ECHDC3: variants seen among roughly 807,000 people sequenced by gnomAD.
The protein encoded by ECHDC3 is enoyl-CoA hydratase domain containing 3, also known as enoyl-CoA hydratase domain-containing protein 3, mitochondrial.
Under a neutral mutation model 17.9 loss-of-function variants are expected in ECHDC3, and 20 were observed. The observed-to-expected ratio is 1.12, with a 90% CI of 0.79 to 1.63. ECHDC3 has a LOEUF of 1.63. Ranked by LOEUF, ECHDC3 falls within the 40% of genes most tolerant of loss-of-function variation. The probability of loss-of-function intolerance (pLI) is 0.00; values close to 1 mark genes in which losing one functional copy is unlikely to be tolerated. For missense variants in ECHDC3, 407 were observed against 357.7 expected (o/e 1.14, Z -1.11); for synonymous variants, 177 against 149.7 (o/e 1.18, Z -1.33).
In ECHDC3 at chr10:11,749,454, A is replaced by C. The variant is rs756181405; in HGVS notation, c.293-41A>C. On this transcript the variant is annotated intron_variant, in intron 2 of 4. Coordinates refer to ENST00000379215, the MANE Select transcript of ECHDC3 (RefSeq NM_024693.5). ...ACTAACTGCCCAACTCTGGGTGTTT[A>C]CATCTTTTTGTTTTCTTTTCTCAAT... 2.5e-6 allele frequency: 4 copies of C among 1,605,650 alleles called. No homozygotes were observed. The Admixed American group carries it at 6.7e-5, about 27-fold the overall frequency.
chr10:11,743,502 T>C (rs952463726), intron 1 of ECHDC3, among the ~76,000 whole-genome samples: 1 of 152,222 alleles, frequency 6.6e-6, no homozygotes, highest in Non-Finnish European at 1.5e-5. Context: ...CTCACCCTCC[T>C]CTCATCCTTT....
intron 3 of ECHDC3, chr10:11,752,307 A>G (rs1832835222): frequency 9.1e-6 from 1 of 109,784 alleles, no homozygotes; most frequent in Admixed American, 9.1e-5. Flanking sequence ...TTTAGTAGAA[A>G]TGGGGTTGCA....
At position 11,755,613 on chromosome 10, in the gene ECHDC3, T is replaced by G; in HGVS notation, c.591+5T>G. ...GCAAGAGCAGTGCCTAGAAAGGTAA[T>G]TTAACTCCCCCCACCCACCTCTGCC... On this transcript the variant is annotated splice_donor_5th_base_variant and intron_variant, in intron 4 of 4. Transcript: ENST00000379215. 1.9e-6 allele frequency: 3 copies of G among 1,609,144 alleles called. No homozygotes were observed. Among genetic ancestry groups the G allele is most frequent in the Non-Finnish European group, 2.5e-6 (3 of 1,178,016 alleles).
chr10:11,745,728 G>C (rs1168056789), intron 1 of ECHDC3, among the ~76,000 whole-genome samples: 3 of 152,204 alleles, frequency 2.0e-5, no homozygotes, highest in Non-Finnish European at 4.4e-5. Flanking sequence ...GAAACCTGTA[G>C]GTGAAAACTG....
At chr10:11,761,909 C>T (rs957963784) in intron 4 of ECHDC3, among the ~76,000 whole-genome samples, 3 of 152,116 alleles carry the variant, frequency 2.0e-5, no homozygotes, top group Admixed American at 1.3e-4. Context: ...GACAGTCTTC[C>T]AGTGCTGGAG....
chr10:11,763,620 C>G lies in ECHDC3; in HGVS notation c.*76C>G. On this transcript the variant is annotated 3_prime_UTR_variant, in exon 5 of 5. Transcript: ENST00000379215. The surrounding 1 kb of genome is among the most constrained non-coding windows in gnomAD (Gnocchi z 4.9). ...CCCTCTGGCCCAGCCACCACTGCCT[C>G]TCAGCTTCAACAGGTGACAGGCTGC... 1 of 1,437,096 alleles carries G rather than the reference C, an allele frequency of 7.0e-7. No individual in the cohort carries two copies. Among genetic ancestry groups the G allele is most frequent in the African/African-American group, 1.4e-5 (1 of 69,996 alleles). 89.0% of individuals were successfully genotyped at this position (1,437,096 alleles called of 1,614,324 possible).
At chr10:11,752,311 G>A (rs1832835459) in intron 3 of ECHDC3, 1 of 115,182 alleles carries the variant, frequency 8.7e-6, no homozygotes, top group Non-Finnish European at 1.8e-5. Flanking sequence ...GTAGAAATGG[G>A]GTTGCACCAT....
rs1783410732 is a variant in ECHDC3, at chr10:11,764,038, A to C, written c.*494A>C. ...CATGCCTATGGCTTTGAATAATCTT[A>C]TGTGATTTAAATAAATTAAATCTTT... On this transcript the variant is annotated 3_prime_UTR_variant, in exon 5 of 5. Transcript: ENST00000379215. 1 of 807,548 alleles carries C rather than the reference A, an allele frequency of 1.2e-6. No homozygotes were observed. Among genetic ancestry groups the C allele is most frequent in the Non-Finnish European group, 1.5e-6 (1 of 667,652 alleles). The allele number at this position is 807,548 out of a possible 1,614,324, so 50.0% of individuals were successfully genotyped here. A position where few individuals can be genotyped will look rare whatever the true frequency, so the allele number is the denominator to read the frequency against.
chr10:11,753,348 A>T (rs1424869648), intron 3 of ECHDC3, among the ~76,000 whole-genome samples: 1 of 152,100 alleles, frequency 6.6e-6, no homozygotes, highest in East Asian at 1.9e-4. Context: ...GTGCCACCGC[A>T]CTCCAGCTTG....
At chr10:11,746,013 A>G (rs1832754872) in intron 1 of ECHDC3, among the ~76,000 whole-genome samples, 1 of 152,140 alleles carries the variant, frequency 6.6e-6, no homozygotes, top group Non-Finnish European at 1.5e-5. Context: ...ATTGTTTTGT[A>G]AACTTACAGG....
intron 1 of ECHDC3, among the ~76,000 whole-genome samples, chr10:11,743,467 G>A (rs10795885): frequency 0.93 from 141,461 of 152,362 alleles, 66,626 homozygotes; most frequent in East Asian, 1. Context: ...GAGCCAGCCC[G>A]TGGCTTCAGC....
At chr10:11,745,889 A>C (rs7906949) in intron 1 of ECHDC3, among the ~76,000 whole-genome samples, 142,392 of 152,290 alleles carry the variant, frequency 0.94, 67,374 homozygotes, top group East Asian at 1. Flanking sequence ...TCAAAAGAGC[A>C]AACAGGCCCT....
intron 4 of ECHDC3, among the ~76,000 whole-genome samples, chr10:11,762,421 A>G (rs1832963718): frequency 6.6e-6 from 1 of 152,188 alleles, no homozygotes; most frequent in African/African-American, 2.4e-5. Context: ...TGAGAGCCTG[A>G]GTGACGGGTG....
intron 4 of ECHDC3, among the ~76,000 whole-genome samples, chr10:11,761,687 T>C (rs561795205): frequency 6.6e-6 from 1 of 152,322 alleles, no homozygotes; most frequent in South Asian, 2.1e-4. Flanking sequence ...ACCCGGCCTC[T>C]CCGTGTGGCT....
At chr10:11,757,191 T>TG (rs1337903105) in intron 4 of ECHDC3, among the ~76,000 whole-genome samples, 1 of 152,200 alleles carries the variant, frequency 6.6e-6, no homozygotes, top group Non-Finnish European at 1.5e-5. Context: ...CTTCAACACC[T>TG]GATGCGCTGG....
At position 11,755,515 on chromosome 10, in the gene ECHDC3, G is replaced by A. The variant is rs147336849; in HGVS notation, c.498G>A (p.Ala166=). 1.0e-4 allele frequency: 163 copies of A among 1,614,006 alleles called. No homozygotes were observed. The highest frequency in any genetic ancestry group is 7.6e-4 in the African/African-American group (57 of 74,992). Residue 166 remains alanine (A), a synonymous_variant, in exon 4 of 5, where the codon GCG becomes GCA. Transcript: ENST00000379215. The part of the protein sequence containing the change: ...QLVASCDIAV[A]SDKSSFATPG... ...TTGCCAGCTGCGACATTGCCGTGGC[G>A]AGCGACAAGTCCTCTTTTGCCACTC...
chr10:11,746,399 G>T (rs1035765015), intron 1 of ECHDC3, among the ~76,000 whole-genome samples: 2 of 151,120 alleles, frequency 1.3e-5, no homozygotes, highest in African/African-American at 2.4e-5. Context: ...ATAAGGCCGA[G>T]AATTCTATAG....
intron 1 of ECHDC3, among the ~76,000 whole-genome samples, chr10:11,746,458 C>CT (rs753182813): frequency 5.9e-5 from 9 of 151,430 alleles, no homozygotes; most frequent in Non-Finnish European, 1.2e-4. Context: ...ACATTTGAAA[C>CT]TAACTAAAAG....
chr10:11,755,364 G>A, intron 3 of ECHDC3, 44 bp from the exon 4 acceptor site: 1 of 1,442,114 alleles, frequency 6.9e-7, no homozygotes, highest in Non-Finnish European at 9.6e-7. Flanking sequence ...TTAATGTCGT[G>A]CCTCCCTCTG....
Sources: allele counts gnomAD v4.1 joint callset (sites outside exome capture counted in the v4.1 genomes callset), GRCh38; gene constraint gnomAD v4.1.1; non-coding constraint Gnocchi (gnomAD v3.1); transcripts MANE v1.5; gene names NCBI Gene and HGNC (gene_info 2026-07-23, HGNC 2026-07-21).